The following ENTPD7 variants were observed in gnomAD, a reference collection of about 807,000 sequenced individuals.
ENTPD7 encodes NTPDase 7.
Under a neutral mutation model 77.9 loss-of-function variants are expected in ENTPD7, and 53 were observed. The ratio of observed to expected loss-of-function variants is 0.68; its 90% CI spans 0.55 to 0.85. The LOEUF (loss-of-function observed/expected upper bound fraction) is 0.85, where lower values mean the gene tolerates loss of function less well. ENTPD7 is among the 40% of genes least tolerant of loss of function. The probability of loss-of-function intolerance (pLI) is 0.00; values close to 1 mark genes in which losing one functional copy is unlikely to be tolerated. For synonymous variants in ENTPD7, 248 were observed against 274.9 expected (o/e 0.90, Z 0.97); for missense variants, 636 against 743.7 (o/e 0.86, Z 1.68).
intron 2 of ENTPD7, chr10:99,660,359 C>G (rs1418384308): frequency 1.7e-6 from 2 of 1,156,276 alleles, no homozygotes; most frequent in Non-Finnish European, 2.2e-6. Flanking sequence ...GTGAACTTCA[C>G]AGATGAATAC....
At chr10:99,691,653 A>G (rs907199195) in intron 8 of ENTPD7, 135 bp downstream of exon 8, 1 of 908,240 alleles carries the variant, frequency 1.1e-6, no homozygotes, top group Non-Finnish European at 1.6e-6. Context: ...CGTTATCTTG[A>G]GTAGGTTACC....
Position 99,710,083 on chromosome 10 carries a change from C to CT in ENTPD7, c.*5401dup. The stretch of plus-strand genomic sequence containing the variant: ...TCAGGCTAGCATAAAGACATGTCTG[C>CT]TCCTGAGCCTCTTCTTTTAAAGGGC... On this transcript the variant is annotated 3_prime_UTR_variant, in exon 13 of 13. Transcript: ENST00000370489. The CT allele has an allele frequency of 1.0e-6, 1 of 985,392 alleles. No individual in the cohort carries two copies. The highest frequency in any genetic ancestry group is 1.2e-6 in the Non-Finnish European group (1 of 829,908). 61.0% of individuals were successfully genotyped at this position (985,392 alleles called of 1,614,324 possible).
intron 11 of ENTPD7, 43 bp from the exon 12 acceptor site, chr10:99,702,469 T>C (rs1190032153): frequency 6.7e-7 from 1 of 1,484,786 alleles, no homozygotes; most frequent in Admixed American, 2.4e-5. Context: ...AGTATTAGAA[T>C]TCTTTTCTCT....
At chr10:99,661,312 A>G in intron 2 of ENTPD7, 134 bp from the exon 3 acceptor site, 1 of 692,006 alleles carries the variant, frequency 1.4e-6, no homozygotes, top group Non-Finnish European at 2.3e-6. Context: ...AAAATTAGAG[A>G]TGACAAGAAC....
In ENTPD7 at chr10:99,709,891, A is replaced by G; in HGVS notation, c.*5208A>G. 1.0e-6 allele frequency: 1 copy of G among 985,472 alleles called. No individual in the cohort carries two copies. The highest frequency in any genetic ancestry group is 5.2e-4 in the Middle Eastern group (1 of 1,914). The allele number at this position is 985,472 out of a possible 1,614,324, so 61.0% of individuals were successfully genotyped here. A position where few individuals can be genotyped will look rare whatever the true frequency, so the allele number is the denominator to read the frequency against. ...CAGTTGACCATTTTGTTTCTCTGAA[A>G]ATCTGAGCAATACGGAGATCCTTTT... is the stretch of plus-strand genomic sequence containing the variant. On this transcript the variant is annotated 3_prime_UTR_variant, in exon 13 of 13. Transcript: ENST00000370489.
intron 8 of ENTPD7, among the ~76,000 whole-genome samples, chr10:99,694,886 AATGGT>A (rs1384462590): frequency 6.6e-6 from 1 of 152,230 alleles, no homozygotes; most frequent in Non-Finnish European, 1.5e-5. Context: ...TGCAGGGCAC[AATGGT>A]ATTTTTCACA....
At chr10:99,668,536 G>A (rs1026034081) in intron 3 of ENTPD7, among the ~76,000 whole-genome samples, 4 of 152,144 alleles carry the variant, frequency 2.6e-5, no homozygotes, top group Non-Finnish European at 5.9e-5. Flanking sequence ...AAAAATAGCT[G>A]TCTTTTAGTC....
At position 99,691,486 on chromosome 10, in the gene ENTPD7, C is replaced by T. The variant is rs770245006; in HGVS notation, c.811C>T (p.Pro271Ser). Reference protein sequence around the residue: ...GASLQIAYEVPTSTSVLPAKQ... With the variant: ...GASLQIAYEVSTSTSVLPAKQ... ...CTCTCTCCAAATTGCTTATGAAGTT[C>T]CTACCTCAACCTCTGTCCTTCCTGC... is the stretch of plus-strand genomic sequence containing the variant. The change falls in exon 8 of 13, where the codon CCT becomes TCT. Residue 271 changes from proline to serine, a missense_variant. By Grantham distance (74) the Pro-to-Ser change is moderately conservative. Around this residue, in one of 3 missense-constraint regions of ENTPD7, gnomAD observed 486 missense variants for 556.5 expected, o/e 0.87. Transcript: ENST00000370489. The T allele has an allele frequency of 6.2e-7, 1 of 1,614,014 alleles. No individual in the cohort carries two copies. Among genetic ancestry groups the T allele is most frequent in the Non-Finnish European group, 8.5e-7 (1 of 1,179,998 alleles).
At chr10:99,667,475 A>G (rs145792662) in intron 3 of ENTPD7, among the ~76,000 whole-genome samples, 13 of 152,394 alleles carry the variant, frequency 8.5e-5, no homozygotes, top group Non-Finnish European at 1.9e-4. Context: ...GGAGTGAAGA[A>G]TCAGGAACTA....
chr10:99,689,157 A>T (rs1033841308), intron 7 of ENTPD7, among the ~76,000 whole-genome samples: 2 of 152,186 alleles, frequency 1.3e-5, no homozygotes, highest in African/African-American at 2.4e-5. Context: ...ATGAACAAAA[A>T]ATATATCCAT....
chr10:99,668,791 A>G (rs1382289784), intron 3 of ENTPD7, among the ~76,000 whole-genome samples: 7 of 152,150 alleles, frequency 4.6e-5, no homozygotes, highest in Non-Finnish European at 8.8e-5. Flanking sequence ...AGCTTAAAAA[A>G]GTTTTAACAC....
intron 6 of ENTPD7, among the ~76,000 whole-genome samples, chr10:99,686,620 A>C (rs1244727912): frequency 6.6e-6 from 1 of 151,980 alleles, no homozygotes; most frequent in Admixed American, 6.6e-5. Flanking sequence ...GAGACCTTCT[A>C]TCTTTCCATT....
Position 99,709,981 on chromosome 10 carries a change from TGC to T in ENTPD7, c.*5299_*5300del, listed in dbSNP as rs2036332868. 1 of 985,326 alleles carries T rather than the reference TGC, an allele frequency of 1.0e-6. No homozygotes were observed. Among genetic ancestry groups the T allele is most frequent in the Non-Finnish European group, 1.2e-6 (1 of 829,942 alleles). The allele number at this position is 985,326 out of a possible 1,614,324, so 61.0% of individuals were successfully genotyped here. A position where few individuals can be genotyped will look rare whatever the true frequency, so the allele number is the denominator to read the frequency against. On this transcript the variant is annotated 3_prime_UTR_variant, in exon 13 of 13. Transcript: ENST00000370489. ...TCACTTTTAAAATGTAATCCATCAT[TGC>T]TTGCCATTTTTATGAAAACCAAAGT...
chr10:99,676,546 T>C (rs188112924), intron 3 of ENTPD7, among the ~76,000 whole-genome samples: 4 of 152,322 alleles, frequency 2.6e-5, no homozygotes, highest in African/African-American at 2.4e-5. Context: ...ATTGCTATGA[T>C]TGGAAATGAA....
intron 7 of ENTPD7, among the ~76,000 whole-genome samples, chr10:99,689,183 T>C (rs1043237146): frequency 2.6e-5 from 4 of 152,164 alleles, no homozygotes; most frequent in African/African-American, 9.7e-5. Context: ...CATTTTTAAA[T>C]TTAATAGAAT....
intron 3 of ENTPD7, 122 bp from the exon 4 acceptor site, chr10:99,679,139 G>A (rs567167104): frequency 4.8e-6 from 4 of 839,724 alleles, no homozygotes; most frequent in Non-Finnish European, 5.6e-6. Context: ...GTTAGGACTG[G>A]TAGTCCCATG....
At chr10:99,695,894 C>T in intron 8 of ENTPD7, 62 bp from the exon 9 acceptor site, 1 of 1,522,944 alleles carries the variant, frequency 6.6e-7, no homozygotes, top group Non-Finnish European at 8.9e-7. Flanking sequence ...TTAGCAATGT[C>T]ATAGCTTTCT....
At chr10:99,696,814 C>G in intron 9 of ENTPD7, among the ~76,000 whole-genome samples, 1 of 152,112 alleles carries the variant, frequency 6.6e-6, no homozygotes, top group Non-Finnish European at 1.5e-5. Flanking sequence ...TAAATTTACA[C>G]AAAATTTTGG....
At chr10:99,660,526 G>A (rs1269305928) in intron 2 of ENTPD7, 10 of 282,270 alleles carry the variant, frequency 3.5e-5, no homozygotes, top group South Asian at 1.2e-4. Context: ...GAATGGATAC[G>A]CACACACACA....
Sources: gnomAD v4.1 joint callset for allele counts (sites outside exome capture counted in the v4.1 genomes callset) on GRCh38, gnomAD v4.1.1 for gene constraint, gnomAD v4.1.1 regional missense constraint, MANE v1.5 for transcripts, NCBI Gene and HGNC (gene_info 2026-07-23, HGNC 2026-07-21) for gene names.